The following PCDH15 variants were observed in gnomAD, a reference collection of about 807,000 sequenced individuals.
The protein encoded by PCDH15 is protocadherin related 15.
PCDH15 carries 129 observed loss-of-function variants against 178.5 expected under a neutral mutation model. That is an observed-to-expected ratio of 0.72 (90% CI 0.63 to 0.84). PCDH15 has a LOEUF of 0.84. Among genes scored for constraint, PCDH15 ranks in the 40% least tolerant of loss-of-function variants. The probability of loss-of-function intolerance (pLI) is 0.00; values close to 1 mark genes in which losing one functional copy is unlikely to be tolerated. For synonymous variants in PCDH15, 800 were observed against 732.0 expected (o/e 1.09, Z -1.50); for missense variants, 2,230 against 2,099.9 (o/e 1.06, Z -1.21).
At chr10:55,105,031 T>C (rs981090849) in intron 2 of PCDH15, among the ~76,000 whole-genome samples, 1 of 152,212 alleles carries the variant, frequency 6.6e-6, no homozygotes, top group African/African-American at 2.4e-5. Context: ...CTATAGTATG[T>C]ACTGCAGTTA....
chr10:55,300,243 T>C (rs1039956559), intron 1 of PCDH15, among the ~76,000 whole-genome samples: 3 of 152,290 alleles, frequency 2.0e-5, no homozygotes, highest in East Asian at 3.9e-4. Flanking sequence ...TATTTTTCTT[T>C]AGAGGCCACT....
rs115354231 is a variant in PCDH15 at position 55,358,415 on chromosome 10, A to T, written c.-155-191764T>A. Among the ~76,000 whole-genome samples the T allele has an allele frequency of 5.2e-3, 785 of 152,174 alleles. 6 individuals carry two copies. Among genetic ancestry groups the T allele is most frequent in the African/African-American group, 0.018 (741 of 41,544 alleles). On this transcript the variant is annotated intron_variant, in intron 2 of 5. Coordinates refer to the PCDH15 transcript ENST00000613346. ...TATTTCAGCAAACAATATGCCAATC[A>T]TTTCCATTTATCATTCCTATGAATG...
At chr10:54,627,527 C>T (rs117032546) in intron 2 of PCDH15, among the ~76,000 whole-genome samples, 2,353 of 152,280 alleles carry the variant, frequency 0.015, 27 homozygotes, top group East Asian at 0.071. Flanking sequence ...CTCCTCCTTG[C>T]CTTCCACCAC....
chr10:54,566,484 C>T (rs1160554851), intron 2 of PCDH15, among the ~76,000 whole-genome samples: 1 of 152,120 alleles, frequency 6.6e-6, no homozygotes, highest in African/African-American at 2.4e-5. Context: ...CCTCTGTTCT[C>T]TGCCGATTCA....
In PCDH15 at chr10:55,037,556, T is replaced by G. The variant is rs74136329; in HGVS notation, c.-80+129020A>C. Among the ~76,000 whole-genome samples, 747 of 152,304 alleles carry G rather than the reference T, an allele frequency of 4.9e-3. 3 individuals are homozygous for G. The highest frequency in any genetic ancestry group is 0.017 in the African/African-American group (721 of 41,560). On this transcript the variant is annotated intron_variant, in intron 2 of 5. Coordinates refer to the PCDH15 transcript ENST00000458638. ...CAATGACATCTTAATTTTTAAGAAA[T>G]CATAAATGTATATGAAAACCATAGT... is the stretch of plus-strand genomic sequence containing the variant.
intron 25 of PCDH15, among the ~76,000 whole-genome samples, chr10:53,918,189 T>C (rs1387847800): frequency 2.0e-5 from 3 of 152,226 alleles, no homozygotes; most frequent in Non-Finnish European, 2.9e-5. Flanking sequence ...TACTCTTTCT[T>C]GAAGAGTTTC....
intron 1 of PCDH15, among the ~76,000 whole-genome samples, chr10:55,251,413 A>G (rs950139568): frequency 2.6e-5 from 4 of 152,048 alleles, no homozygotes. Context: ...GTTTTTCTCC[A>G]TTTCTATAAT....
intron 2 of PCDH15, among the ~76,000 whole-genome samples, chr10:54,651,692 T>C (rs766514777): frequency 2.6e-5 from 4 of 152,162 alleles, no homozygotes; most frequent in Non-Finnish European, 4.4e-5. Context: ...ATACATATCT[T>C]CTTAAGTTGT....
At chr10:54,912,056 T>C (rs1037087653) in intron 2 of PCDH15, among the ~76,000 whole-genome samples, 4 of 152,244 alleles carry the variant, frequency 2.6e-5, no homozygotes, top group East Asian at 1.9e-4. Flanking sequence ...TTATGAATAG[T>C]AGGTTTGAAT....
At chr10:55,361,699 A>G (rs898791116) in intron 2 of PCDH15, among the ~76,000 whole-genome samples, 5 of 152,088 alleles carry the variant, frequency 3.3e-5, no homozygotes, top group African/African-American at 7.2e-5. Context: ...CATAAATATG[A>G]CATAATTTGA....
At chr10:54,959,264 T>C (rs941531344) in intron 2 of PCDH15, among the ~76,000 whole-genome samples, 1 of 151,880 alleles carries the variant, frequency 6.6e-6, no homozygotes, top group Non-Finnish European at 1.5e-5. Flanking sequence ...AATGGAAAAA[T>C]ATAAGCATTA....
chr10:55,098,931 A>AGAGAGAGAGAGAGAGAGAGAGAGC (rs1564796896), intron 2 of PCDH15, among the ~76,000 whole-genome samples: 7 of 130,910 alleles, frequency 5.3e-5, no homozygotes, highest in Non-Finnish European at 5.1e-5. Context: ...AGAGAGAGAG[A>AGAGAGAGAGAGAGAGAGAGAGAGC]GAGCTCTTAT....
At chr10:54,487,675 A>G (rs1222488168) in intron 3 of PCDH15, among the ~76,000 whole-genome samples, 1 of 152,016 alleles carries the variant, frequency 6.6e-6, no homozygotes, top group African/African-American at 2.4e-5. Flanking sequence ...TCTATCAATT[A>G]CTTCTAAAGG....
Position 54,234,897 on chromosome 10 carries a change from T to C in PCDH15, c.985+1926A>G, listed in dbSNP as rs537891524. On this transcript the variant is annotated intron_variant, in intron 9 of 37. Transcript: ENST00000644397. ...GCTCCTCATTTCACTCAGAGAAAAA[T>C]ACAAAGTAGATAAATAACATACAAG... is the stretch of plus-strand genomic sequence containing the variant. Among the ~76,000 whole-genome samples the C allele has an allele frequency of 6.6e-5, 10 of 152,244 alleles. No homozygotes were observed. In the Middle Eastern group the frequency reaches 0.01, roughly 155 times the overall value.
intron 3 of PCDH15, among the ~76,000 whole-genome samples, chr10:54,518,547 G>T (rs1009725967): frequency 4.6e-5 from 7 of 151,974 alleles, no homozygotes; most frequent in Admixed American, 1.3e-4. Flanking sequence ...AATAACAGGA[G>T]CTGAAATTGT....
intron 2 of PCDH15, among the ~76,000 whole-genome samples, chr10:55,420,258 TTGCTTCGATACTATAA>T (rs150084270): frequency 0.031 from 4,664 of 151,816 alleles, 229 homozygotes; most frequent in African/African-American, 0.11. Flanking sequence ...TTATCTATAG[TTGCTTCGATACTATAA>T]GCGTTGGAAT....
At chr10:54,144,402 C>T (rs1432926946) in intron 14 of PCDH15, among the ~76,000 whole-genome samples, 1 of 151,994 alleles carries the variant, frequency 6.6e-6, no homozygotes, top group Non-Finnish European at 1.5e-5. Context: ...CTCAGAAAAC[C>T]ACTTGCAGCC....
At chr10:54,306,826 G>A (rs1164084351) in intron 8 of PCDH15, among the ~76,000 whole-genome samples, 3 of 150,584 alleles carry the variant, frequency 2.0e-5, no homozygotes, top group Non-Finnish European at 1.5e-5. Context: ...ATACAGTCAT[G>A]CCAAATCACA....
chr10:55,129,875 C>T (rs975926242), intron 2 of PCDH15, among the ~76,000 whole-genome samples: 15 of 151,968 alleles, frequency 9.9e-5, no homozygotes, highest in African/African-American at 3.1e-4. Flanking sequence ...AGATAATATT[C>T]AAACAAATGT....
Sources: allele counts gnomAD v4.1 joint callset (sites outside exome capture counted in the v4.1 genomes callset), GRCh38; gene constraint gnomAD v4.1.1; transcripts MANE v1.5; gene names NCBI Gene and HGNC (gene_info 2026-07-23, HGNC 2026-07-21).